Variants in PRDM15 observed in about 807,000 individuals in gnomAD.
PRDM15 encodes the protein PR/SET domain 15.
In PRDM15, 64 loss-of-function variants were observed where a neutral mutation model predicts 128.6. The ratio of observed to expected loss-of-function variants is 0.50; its 90% CI spans 0.41 to 0.61. The LOEUF is 0.61. Ranked by LOEUF, PRDM15 falls within the 20% of genes least tolerant of loss-of-function variation. PRDM15 has a pLI of 0.00. For missense variants in PRDM15, 1,242 were observed against 1,569.1 expected (o/e 0.79, Z 3.52); for synonymous variants, 615 against 621.8 (o/e 0.99, Z 0.16).
chr21:41,824,881 T>C (rs866007195), intron 13 of PRDM15, among the ~76,000 whole-genome samples: 1 of 152,220 alleles, frequency 6.6e-6, no homozygotes, highest in Admixed American at 6.5e-5. Context: ...AAAAGCTCGG[T>C]GATGGTGCTG....
rs112381381 is a variant in PRDM15, at chr21:41,879,152, G to A, written c.-10+118C>T. The A allele has an allele frequency of 0.47, 449,445 of 963,312 alleles. 106,757 individuals are homozygous for A. Among genetic ancestry groups the A allele is most frequent in the Non-Finnish European group, 0.49 (392,529 of 800,818 alleles). The allele number at this position is 963,312 out of a possible 1,614,324, so 59.7% of individuals were successfully genotyped here. ...GGGGCGGCGCGCGGCTGCCGGGCGC[G>A]GGGGGCGGGGGGCAGCGGGCCCAGG... On this transcript the variant is annotated intron_variant, in intron 1 of 23. Transcript: ENST00000398548. This position sits in a 1 kb window ranked among gnomAD's most constrained non-coding sequence, Gnocchi z 5.1.
intron 1 of PRDM15, among the ~76,000 whole-genome samples, chr21:41,864,476 T>G (rs367784338): frequency 0.46 from 964 of 2,100 alleles, 8 homozygotes; most frequent in Middle Eastern, 0.5. Context: ...AAAACCAACA[T>G]GTCAAAAAGT....
chr21:41,866,533 T>C (rs1275839386), intron 1 of PRDM15, among the ~76,000 whole-genome samples: 1 of 152,218 alleles, frequency 6.6e-6, no homozygotes, highest in Non-Finnish European at 1.5e-5. Flanking sequence ...ACTAAGCCTG[T>C]GTATGGGGTT....
chr21:41,841,983 C>G (rs143399846), intron 6 of PRDM15, among the ~76,000 whole-genome samples: 47 of 152,174 alleles, frequency 3.1e-4, no homozygotes, highest in African/African-American at 1.0e-3. Flanking sequence ...AAAAAATCAT[C>G]TGAAATGCTT....
chr21:41,823,185 C>T, intron 14 of PRDM15, 133 bp downstream of exon 14: 1 of 1,217,492 alleles, frequency 8.2e-7, no homozygotes, highest in East Asian at 2.6e-5. Flanking sequence ...GTCTAGCCTC[C>T]AGAACCGTGA....
At chr21:41,871,781 G>T in intron 1 of PRDM15, 1 of 756,148 alleles carries the variant, frequency 1.3e-6, no homozygotes, top group Non-Finnish European at 2.1e-6. Context: ...CTCCAGACCT[G>T]CTGCGTTTCA....
chr21:41,802,324 C>T (rs1448331758), intron 23 of PRDM15, among the ~76,000 whole-genome samples: 1 of 152,182 alleles, frequency 6.6e-6, no homozygotes, highest in African/African-American at 2.4e-5. Flanking sequence ...TTGTCTTCAC[C>T]TTCCAGACTG....
intron 9 of PRDM15, 38 bp downstream of exon 9, chr21:41,836,430 C>T (rs761630486): frequency 3.2e-6 from 5 of 1,582,132 alleles, no homozygotes; most frequent in Admixed American, 1.7e-5. Context: ...CCAGTCCTGG[C>T]CCTGGCCCCG....
rs762371019 is a variant in PRDM15, at chr21:41,859,660, G to A, written c.63C>T (p.His21=). Residue 21 remains histidine (H), a synonymous_variant, in exon 3 of 24, where the codon CAC becomes CAT. Transcript: ENST00000398548. The surrounding 1 kb of genome is among the most constrained non-coding windows in gnomAD (Gnocchi z 5.3). The part of the protein sequence containing the change: ...FIWCEDCSQY[H]DSECPELGPV... Reference sequence around the variant, plus strand: ...GGCCCAGCTCGGGACATTCGGAGTCGTGGTACTGGCTGCAGTCTTCACACC... The same window carrying A: ...GGCCCAGCTCGGGACATTCGGAGTCATGGTACTGGCTGCAGTCTTCACACC... 30 of 1,613,784 alleles carry A rather than the reference G, an allele frequency of 1.9e-5. No individual in the cohort carries two copies. The highest frequency in any genetic ancestry group is 3.3e-4 in the Middle Eastern group (2 of 6,084).
rs370898854 is a variant in PRDM15, at chr21:41,839,790, G to A, written c.704C>T (p.Ala235Val). The A allele has an allele frequency of 3.7e-4, 597 of 1,614,274 alleles. 6 individuals carry two copies. In the South Asian group the frequency reaches 4.3e-3, roughly 12 times the overall value. Residue 235 changes from alanine to valine, a missense_variant, in exon 7 of 24, where the codon GCA becomes GTA. This residue lies in a region of PRDM15 where 612 missense variants were observed against 717.0 expected (regional missense o/e 0.85). Transcript: ENST00000398548. Reference sequence around the variant, plus strand: ...TGTGTCCTGCTCCTTCTCGGGAGCTGCTGCCTCGCTTTGGCTGCCTGGAGG... The same window carrying A: ...TGTGTCCTGCTCCTTCTCGGGAGCTACTGCCTCGCTTTGGCTGCCTGGAGG... ...SLPPGSQSEA[A>V]APEKEQDTPR...
In PRDM15 at chr21:41,859,230, T is replaced by C. The variant is rs763564052; in HGVS notation, c.131+362A>G. ...ACGTGTCCGCTGGCAGGCCAAGACCTGGAATGCAGAGAGAAGCCAACGAGC... is the reference window on the plus strand; with the variant it reads ...ACGTGTCCGCTGGCAGGCCAAGACCCGGAATGCAGAGAGAAGCCAACGAGC... On this transcript the variant is annotated intron_variant, in intron 3 of 23. Transcript: ENST00000398548. The surrounding 1 kb of genome is among the most constrained non-coding windows in gnomAD (Gnocchi z 5.3). 6.2e-7 allele frequency: 1 copy of C among 1,613,248 alleles called. No individual in the cohort carries two copies. Among genetic ancestry groups the C allele is most frequent in the South Asian group, 1.1e-5 (1 of 90,996 alleles).
chr21:41,801,338 C>T lies in PRDM15; in HGVS notation c.3328G>A (p.Asp1110Asn). Residue 1110 changes from aspartate to asparagine, a missense_variant, in exon 24 of 24, where the codon GAC becomes AAC. Asp to Asn is a conservative substitution (Grantham distance 23, BLOSUM62 1). Coordinates refer to ENST00000398548, the MANE Select transcript of PRDM15 (RefSeq NM_001040424.3). ...PLTWRAVPQT[D>N]VLPPSQPQAP... Reference sequence around the variant, plus strand: ...TGCGGCTGCGAGGGTGGCAAGACGTCAGTCTGGGGCACTGCCCGCCACGTG... The same window carrying T: ...TGCGGCTGCGAGGGTGGCAAGACGTTAGTCTGGGGCACTGCCCGCCACGTG... The T allele has an allele frequency of 1.3e-6, 2 of 1,592,116 alleles. No homozygotes were observed. The highest frequency in any genetic ancestry group is 1.7e-6 in the Non-Finnish European group (2 of 1,165,864).
At chr21:41,823,130 C>T (rs1006854276) in intron 14 of PRDM15, 188 bp downstream of exon 14, 4 of 742,466 alleles carry the variant, frequency 5.4e-6, no homozygotes, top group African/African-American at 3.5e-5. Context: ...GTCTACGAAC[C>T]AGGAAGTGAG....
At chr21:41,876,692 G>C (rs2146072289) in intron 1 of PRDM15, among the ~76,000 whole-genome samples, 1 of 152,330 alleles carries the variant, frequency 6.6e-6, no homozygotes, top group South Asian at 2.1e-4. Flanking sequence ...AGAGTTTGAA[G>C]ATGTCTGCTC....
Position 41,801,459 on chromosome 21 carries a change from G to C in PRDM15, c.3207C>G (p.Ala1069=), listed in dbSNP as rs150648109. 14 of 1,614,112 alleles carry C rather than the reference G, an allele frequency of 8.7e-6. No homozygotes were observed. The African/African-American group carries it at 1.9e-4, about 22-fold the overall frequency. The part of the protein sequence containing the change: ...NDVQIHPQPE[A]SNPQSVAHFI... The stretch of plus-strand genomic sequence containing the variant: ...AATGGGCCACAGACTGTGGGTTCGA[G>C]GCTTCCGGCTGGGGGTGGATCTGGA... Residue 1069 remains alanine, a synonymous_variant, in exon 24 of 24, where the codon GCC becomes GCG. Coordinates refer to ENST00000398548, the MANE Select transcript of PRDM15 (RefSeq NM_001040424.3).
intron 14 of PRDM15, among the ~76,000 whole-genome samples, chr21:41,822,453 A>G (rs2062312058): frequency 6.6e-6 from 1 of 152,132 alleles, no homozygotes; most frequent in Non-Finnish European, 1.5e-5. Context: ...CTCTTTCCTC[A>G]AAGGTGGGGA....
intron 5 of PRDM15, 60 bp from the exon 6 acceptor site, chr21:41,847,251 A>G: frequency 1.7e-6 from 2 of 1,211,652 alleles, no homozygotes; most frequent in Non-Finnish European, 2.3e-6. Context: ...GTCTCCATGA[A>G]TCCCGGCGCA....
At chr21:41,806,525 C>T (rs148949833) in intron 21 of PRDM15, among the ~76,000 whole-genome samples, 4 of 2,924 alleles carry the variant, frequency 1.4e-3, no homozygotes, top group South Asian at 0.017. Flanking sequence ...ACCACCATCA[C>T]CACCACCATC....
Position 41,801,659 on chromosome 21 carries a change from T to C in PRDM15, c.3007A>G (p.Ile1003Val), listed in dbSNP as rs771199735. 6.2e-7 allele frequency: 1 copy of C among 1,614,040 alleles called. No individual in the cohort carries two copies. Among genetic ancestry groups the C allele is most frequent in the East Asian group, 2.2e-5 (1 of 44,886 alleles). Residue 1003 changes from isoleucine (I) to valine (V), a missense_variant, in exon 24 of 24, where the codon ATC (isoleucine) becomes GTC (valine). By Grantham distance (29) the Ile-to-Val change is conservative. Coordinates refer to ENST00000398548, the MANE Select transcript of PRDM15 (RefSeq NM_001040424.3). ...TPSSSVGLTN[I>V]TVTPITTAAA... ...GCAGTGGTGATGGGGGTCACGGTGA[T>C]GTTGGTTAAGCCGACTGAGCTCGAT...
Sources: allele counts gnomAD v4.1 joint callset (sites outside exome capture counted in the v4.1 genomes callset), GRCh38; gene constraint gnomAD v4.1.1; regional missense constraint gnomAD v4.1.1; non-coding constraint Gnocchi (gnomAD v3.1); transcripts MANE v1.5; gene names NCBI Gene and HGNC (gene_info 2026-07-23, HGNC 2026-07-21).